Variants in C17orf75 observed in about 807,000 individuals in gnomAD.
C17orf75 encodes the protein chromosome 17 open reading frame 75, also known as protein Njmu-R1.
Under a neutral mutation model 49.6 loss-of-function variants are expected in C17orf75, and 32 were observed. The observed-to-expected ratio is 0.65, with a 90% CI of 0.49 to 0.87. The LOEUF is 0.87. Ranked by LOEUF, C17orf75 falls within the 40% of genes least tolerant of loss-of-function variation. The pLI, the probability that C17orf75 is intolerant of heterozygous loss-of-function variation, is 0.00. For synonymous variants in C17orf75, 158 were observed against 159.5 expected, an observed-to-expected ratio of 0.99 and a Z score of 0.07; for missense variants, 428 against 473.9, an observed-to-expected ratio of 0.90 and a Z score of 0.90.
At chr17:32,344,675 G>A (rs1230267596), upstream of C17orf75, among the ~76,000 whole-genome samples, 8 of 151,850 alleles carry the variant, frequency 5.3e-5, no homozygotes, top group South Asian at 4.1e-4. Flanking sequence ...TTGGGAGGCC[G>A]AGGTGGGTGG....
chr17:32,339,604 T>G (rs1217223013), intron 3 of C17orf75, among the ~76,000 whole-genome samples: 2 of 151,840 alleles, frequency 1.3e-5, no homozygotes, highest in South Asian at 4.2e-4. Flanking sequence ...AATAAACTAA[T>G]TAAATAAAGT....
upstream of C17orf75, among the ~76,000 whole-genome samples, chr17:32,343,122 T>C (rs1332897895): frequency 6.6e-6 from 1 of 152,090 alleles, no homozygotes; most frequent in Non-Finnish European, 1.5e-5. Context: ...AACCAAGGAA[T>C]GTCAAGGATT....
Position 32,331,870 on chromosome 17 carries a change from T to TATC in C17orf75, c.1081_1083dup (p.Asp361dup). ...TCCACTTTAACAATCTTCAAAAGTA[T>TATC]ATCTCCACTACCACAGTTCTTTAGG... On this transcript the variant is annotated inframe_insertion, in exon 10 of 10. Transcript: ENST00000577809. 1 of 1,613,496 alleles carries TATC rather than the reference T, an allele frequency of 6.2e-7. No individual in the cohort carries two copies. The highest frequency in any genetic ancestry group is 8.5e-7 in the Non-Finnish European group (1 of 1,179,506).
At position 32,339,827 on chromosome 17, in the gene C17orf75, T is replaced by G. The variant is rs368994319; in HGVS notation, c.333A>C (p.Ala111=). 4 of 1,613,904 alleles carry G rather than the reference T, an allele frequency of 2.5e-6. No homozygotes were observed. The African/African-American group carries it at 5.3e-5, about 22-fold the overall frequency. Residue 111 remains alanine (A), a synonymous_variant, in exon 3 of 10, where the codon GCA becomes GCC. Transcript: ENST00000577809. ...GAVFEGLGNV[A]SVELKIPGYR... ...TTTGCACTTACTTTAGCTCCACAGATGCAACATTACCCAGCCCTTCAAAGA... is the reference window on the plus strand; with the variant it reads ...TTTGCACTTACTTTAGCTCCACAGAGGCAACATTACCCAGCCCTTCAAAGA...
intron 9 of C17orf75, among the ~76,000 whole-genome samples, chr17:32,332,388 C>T (rs1416022037): frequency 3.3e-5 from 5 of 152,258 alleles, no homozygotes; most frequent in South Asian, 2.1e-4. Flanking sequence ...GTGATCCACC[C>T]GCCTCAGCCT....
rs1263833858 is a variant in C17orf75 at position 32,338,249 on chromosome 17, A to G, written c.450T>C (p.Tyr150=). Residue 150 remains tyrosine (Y), a synonymous_variant, in exon 4 of 10, where the codon TAT becomes TAC. Transcript: ENST00000577809. ...TIDSERNPSE[Y]VVCFLGGSEK... ...CAGACCCTCCTAAAAAACAGACCAC[A>G]TATTCTGAAGGGTTACGTTCAGAGT... is the stretch of plus-strand genomic sequence containing the variant. 3 of 1,612,936 alleles carry G rather than the reference A, an allele frequency of 1.9e-6. No homozygotes were observed. The highest frequency in any genetic ancestry group is 1.7e-6 in the Non-Finnish European group (2 of 1,179,670).
chr17:32,340,044 G>A, intron 2 of C17orf75, 106 bp from the exon 3 acceptor site: 4 of 1,369,518 alleles, frequency 2.9e-6, no homozygotes, highest in Non-Finnish European at 4.0e-6. Flanking sequence ...AAGGACTGGG[G>A]AAAGCTGTCC....
At position 32,333,526 on chromosome 17, in the gene C17orf75, A is replaced by C. The variant is rs1255075120; in HGVS notation, c.872-6T>G. On this transcript the variant is annotated splice_region_variant and splice_polypyrimidine_tract_variant and intron_variant, in intron 8 of 9. Transcript: ENST00000577809. ...CTCACAAAACCGGTTACTTCCTATAAAACATTTCAGAGAGACTAAATAAAA... is the reference window on the plus strand; with the variant it reads ...CTCACAAAACCGGTTACTTCCTATACAACATTTCAGAGAGACTAAATAAAA... The C allele has an allele frequency of 1.3e-6, 2 of 1,597,094 alleles. No individual in the cohort carries two copies. The highest frequency in any genetic ancestry group is 2.3e-5 in the South Asian group (2 of 88,810).
At chr17:32,340,929 A>C (rs2041373716) in intron 2 of C17orf75, 1 of 398,498 alleles carries the variant, frequency 2.5e-6, no homozygotes, top group Admixed American at 3.7e-5. Flanking sequence ...TGGGCAGCAG[A>C]GCAAGACCCT....
chr17:32,336,154 T>G (rs1206753062), intron 5 of C17orf75, among the ~76,000 whole-genome samples: 2 of 152,216 alleles, frequency 1.3e-5, no homozygotes, highest in East Asian at 3.8e-4. Flanking sequence ...CTACTATATA[T>G]GTAATGGGTA....
At chr17:32,333,355 G>T in intron 9 of C17orf75, 62 bp downstream of exon 9, 1 of 1,149,020 alleles carries the variant, frequency 8.7e-7, no homozygotes, top group Non-Finnish European at 1.3e-6. Flanking sequence ...CTCTGTCACT[G>T]GTACTAATTA....
At chr17:32,340,771 GA>G (rs2041371951) in intron 2 of C17orf75, 1 of 173,132 alleles carries the variant, frequency 5.8e-6, no homozygotes, top group Non-Finnish European at 1.2e-5. Context: ...GCAACATGGT[GA>G]AACCCCATCT....
chr17:32,347,857 G>T (rs780561487), intron 1 of C17orf75, among the ~76,000 whole-genome samples: 8 of 152,006 alleles, frequency 5.3e-5, no homozygotes, highest in Non-Finnish European at 1.0e-4. Flanking sequence ...ATTGCAATAC[G>T]GTTTTAAACT....
rs764393013 is a variant in C17orf75, at chr17:32,330,412, G to C, written c.*1351C>G. 6.6e-6 allele frequency: 1 copy of C among 152,178 alleles called. No homozygotes were observed. Among genetic ancestry groups the C allele is most frequent in the African/African-American group, 2.4e-5 (1 of 41,438 alleles). 9.4% of individuals were successfully genotyped at this position (152,178 alleles called of 1,614,324 possible). ...GAGGATTCCTCAGTTTTATGGGTTTGTGCTCCTCTGAGCATCCTCAGGGAA... is the reference window on the plus strand; with the variant it reads ...GAGGATTCCTCAGTTTTATGGGTTTCTGCTCCTCTGAGCATCCTCAGGGAA... On this transcript the variant is annotated 3_prime_UTR_variant, in exon 10 of 10. Coordinates refer to ENST00000577809, the MANE Select transcript of C17orf75 (RefSeq NM_022344.4).
Position 32,341,297 on chromosome 17 carries a change from A to G in C17orf75, c.141-13T>C. On this transcript the variant is annotated splice_polypyrimidine_tract_variant and intron_variant, in intron 1 of 9. Coordinates refer to ENST00000577809, the MANE Select transcript of C17orf75 (RefSeq NM_022344.4). ...TTGCTGTGCCAATCTACAAGCCACA[A>G]AACCAATAGTGCTATCAATTATGGG... The G allele has an allele frequency of 6.2e-7, 1 of 1,613,866 alleles. No homozygotes were observed. Among genetic ancestry groups the G allele is most frequent in the Non-Finnish European group, 8.5e-7 (1 of 1,179,814 alleles).
chr17:32,337,461 T>TAA (rs1026935238), intron 5 of C17orf75, among the ~76,000 whole-genome samples: 1 of 143,584 alleles, frequency 7.0e-6, no homozygotes, highest in Non-Finnish European at 1.5e-5. Flanking sequence ...AGACCCTGTC[T>TAA]AAAAAAAAAA....
In C17orf75 at chr17:32,337,883, G is replaced by A. The variant is rs1461215144; in HGVS notation, c.549+14C>T. On this transcript the variant is annotated intron_variant, in intron 5 of 9. Coordinates refer to ENST00000577809, the MANE Select transcript of C17orf75 (RefSeq NM_022344.4). Reference sequence around the variant, plus strand: ...CATTTCAGTCTTTAAAAACCATTAAGTCAGTCACCTTACCTCACAATTCAT... The same window carrying A: ...CATTTCAGTCTTTAAAAACCATTAAATCAGTCACCTTACCTCACAATTCAT... 8 of 1,598,840 alleles carry A rather than the reference G, an allele frequency of 5.0e-6. No individual in the cohort carries two copies. The highest frequency in any genetic ancestry group is 6.8e-6 in the Non-Finnish European group (8 of 1,171,414).
At chr17:32,335,554 T>A in intron 5 of C17orf75, 112 bp from the exon 6 acceptor site, 10 of 1,297,680 alleles carry the variant, frequency 7.7e-6, no homozygotes, top group Non-Finnish European at 1.0e-5. Context: ...GACACCTCCC[T>A]TTTTAAAGCT....
chr17:32,343,119 G>A (rs755047120), upstream of C17orf75, among the ~76,000 whole-genome samples: 1 of 152,130 alleles, frequency 6.6e-6, no homozygotes, highest in Non-Finnish European at 1.5e-5. Flanking sequence ...ACAAACCAAG[G>A]AATGTCAAGG....
Sources: gnomAD v4.1 joint callset for allele counts (sites outside exome capture counted in the v4.1 genomes callset) on GRCh38, gnomAD v4.1.1 for gene constraint, MANE v1.5 for transcripts, NCBI Gene and HGNC (gene_info 2026-07-23, HGNC 2026-07-21) for gene names.